The following IQGAP2 variants were observed in gnomAD, a reference collection of about 807,000 sequenced individuals.
IQGAP2 encodes the protein IQ motif containing GTPase activating protein 2.
Under a neutral mutation model 201.3 loss-of-function variants are expected in IQGAP2, and 173 were observed. The ratio of observed to expected loss-of-function variants is 0.86; its 90% CI spans 0.76 to 0.98. The LOEUF is 0.98. IQGAP2 is among the 50% of genes least tolerant of loss of function. The probability of loss-of-function intolerance (pLI) is 0.00; values close to 1 mark genes in which losing one functional copy is unlikely to be tolerated. For missense variants in IQGAP2, 1,687 were observed against 1,864.8 expected, an observed-to-expected ratio of 0.90 and a Z score of 1.76; for synonymous variants, 675 against 673.9, an observed-to-expected ratio of 1.00 and a Z score of -0.03.
chr5:76,471,968 C>T (rs1014678601), intron 2 of IQGAP2, among the ~76,000 whole-genome samples: 1 of 152,236 alleles, frequency 6.6e-6, no homozygotes, highest in Non-Finnish European at 1.5e-5. Flanking sequence ...CCATTTCTCC[C>T]TTCCCTCCCT....
chr5:76,633,156 A>G (rs1435580034), intron 15 of IQGAP2, among the ~76,000 whole-genome samples: 1 of 152,196 alleles, frequency 6.6e-6, no homozygotes, highest in Non-Finnish European at 1.5e-5. Context: ...CGTTTCCCAC[A>G]TGTCATATTT....
At chr5:76,672,897 G>A (rs1382631966) in intron 24 of IQGAP2, among the ~76,000 whole-genome samples, 1 of 143,260 alleles carries the variant, frequency 7.0e-6, no homozygotes, top group Non-Finnish European at 1.5e-5. Flanking sequence ...ACACTCTGGG[G>A]ACTGTTGTGG....
intron 1 of IQGAP2, among the ~76,000 whole-genome samples, chr5:76,405,101 C>T (rs1750724371): frequency 1.3e-5 from 2 of 152,208 alleles, no homozygotes; most frequent in African/African-American, 4.8e-5. Context: ...TCTACATGAA[C>T]AAATGATTTC....
At chr5:76,623,458 TGTTAC>T in intron 13 of IQGAP2, 1 of 538,316 alleles carries the variant, frequency 1.9e-6, no homozygotes, top group East Asian at 3.0e-5. Context: ...CCTCTGAACG[TGTTAC>T]GTTATCCCTG....
chr5:76,652,989 A>G (rs1355375368), intron 18 of IQGAP2, among the ~76,000 whole-genome samples, 156 bp downstream of exon 18: 1 of 152,146 alleles, frequency 6.6e-6, no homozygotes, highest in African/African-American at 2.4e-5. Context: ...CTGCTCATTT[A>G]CCTAATCATT....
intron 2 of IQGAP2, among the ~76,000 whole-genome samples, chr5:76,499,818 A>G (rs1197360171): frequency 6.6e-6 from 1 of 152,196 alleles, no homozygotes; most frequent in Non-Finnish European, 1.5e-5. Flanking sequence ...CTTAAAAAAA[A>G]ATCCTGCTGG....
chr5:76,490,563 G>A (rs1222181617), intron 2 of IQGAP2, among the ~76,000 whole-genome samples: 1 of 152,200 alleles, frequency 6.6e-6, no homozygotes, highest in African/African-American at 2.4e-5. Context: ...GAGAATGAAA[G>A]ATTCAACAAT....
chr5:76,516,287 C>T (rs370493368), intron 2 of IQGAP2, among the ~76,000 whole-genome samples: 3 of 151,978 alleles, frequency 2.0e-5, no homozygotes, highest in South Asian at 2.1e-4. Context: ...TGTGGTTGCC[C>T]GAACCATTCT....
intron 4 of IQGAP2, 91 bp from the exon 5 acceptor site, chr5:76,575,602 G>C (rs557665116): frequency 1.5e-6 from 1 of 658,340 alleles, no homozygotes; most frequent in African/African-American, 1.9e-5. Flanking sequence ...TTATAGGATA[G>C]CAAGGACAAT....
At position 76,683,870 on chromosome 5, in the gene IQGAP2, T is replaced by C. The variant is rs1745517115; in HGVS notation, c.3858T>C (p.Tyr1286=). The change falls in exon 30 of 36, where the codon TAT becomes TAC. Residue 1286 remains tyrosine (Y), a synonymous_variant. Transcript: ENST00000274364. The stretch of plus-strand genomic sequence containing the variant: ...TTTCTCTTGTCTTGACAAGCAAATA[T>C]GACATAGAGGACGGTGAAGCTATAG... ...TEISLVLTSK[Y]DIEDGEAIDS... is the part of the protein sequence containing the mutation. 1 of 1,613,380 alleles carries C rather than the reference T, an allele frequency of 6.2e-7. No individual in the cohort carries two copies. Among genetic ancestry groups the C allele is most frequent in the East Asian group, 2.2e-5 (1 of 44,830 alleles).
At chr5:76,693,308 A>G (rs1746438214) in intron 30 of IQGAP2, 47 bp from the exon 31 acceptor site, 2 of 1,323,670 alleles carry the variant, frequency 1.5e-6, no homozygotes, top group Non-Finnish European at 1.1e-6. Context: ...ATTTTTGTGC[A>G]TAAGGACTAC....
intron 1 of IQGAP2, chr5:76,441,662 C>A (rs1425062813): frequency 4.3e-6 from 1 of 231,660 alleles, no homozygotes; most frequent in Admixed American, 6.5e-5. Flanking sequence ...GCTGTTAATA[C>A]CTGTTACTTT....
At chr5:76,612,984 G>A (rs1400480292) in intron 13 of IQGAP2, among the ~76,000 whole-genome samples, 1 of 152,164 alleles carries the variant, frequency 6.6e-6, no homozygotes, top group Non-Finnish European at 1.5e-5. Flanking sequence ...CTCATTGAAG[G>A]TGGAGAAATG....
At chr5:76,653,267 A>G (rs557278275) in intron 18 of IQGAP2, among the ~76,000 whole-genome samples, 1 of 152,316 alleles carries the variant, frequency 6.6e-6, no homozygotes, top group African/African-American at 2.4e-5. Context: ...TGGGAGCTGA[A>G]TTAGTCGAAC....
At chr5:76,545,069 C>CACATAACTATGTGTATAT (rs1436879678) in intron 2 of IQGAP2, among the ~76,000 whole-genome samples, 1 of 151,972 alleles carries the variant, frequency 6.6e-6, no homozygotes, top group Admixed American at 6.5e-5. Context: ...TCTACATATA[C>CACATAACTATGTGTATAT]ATACATATAT....
intron 14 of IQGAP2, 63 bp from the exon 15 acceptor site, chr5:76,631,796 T>C (rs1444688400): frequency 3.3e-6 from 4 of 1,230,068 alleles, no homozygotes; most frequent in African/African-American, 3.1e-5. Context: ...AATTATATAT[T>C]TGCATGCCTT....
chr5:76,536,337 C>T (rs547016350), intron 2 of IQGAP2, among the ~76,000 whole-genome samples: 62 of 150,776 alleles, frequency 4.1e-4, no homozygotes, highest in African/African-American at 1.5e-3. Context: ...TCCCAAAGTG[C>T]GGGGATCACA....
intron 1 of IQGAP2, among the ~76,000 whole-genome samples, chr5:76,429,105 T>C (rs1194574569): frequency 1.3e-5 from 2 of 150,992 alleles, no homozygotes; most frequent in African/African-American, 2.4e-5. Flanking sequence ...TAGAAGTACA[T>C]TGCTTTCCTA....
At position 76,590,407 on chromosome 5, in the gene IQGAP2, G is replaced by T; in HGVS notation, c.641-1G>T. 6.3e-7 allele frequency: 1 copy of T among 1,584,950 alleles called. No individual in the cohort carries two copies. Among genetic ancestry groups the T allele is most frequent in the Non-Finnish European group, 8.6e-7 (1 of 1,166,230 alleles). On this transcript the variant is annotated splice_acceptor_variant, in intron 7 of 35. Coordinates refer to ENST00000274364, the MANE Select transcript of IQGAP2 (RefSeq NM_006633.5). LOFTEE classifies it high-confidence loss of function. The stretch of plus-strand genomic sequence containing the variant: ...TTTCTCTCTCTCTCTTTACTTTTTA[G>T]TACATGCTGCAGTTATAGCCATTAA...
Sources: gnomAD v4.1 joint callset for allele counts (sites outside exome capture counted in the v4.1 genomes callset) on GRCh38, gnomAD v4.1.1 for gene constraint, MANE v1.5 for transcripts, NCBI Gene and HGNC (gene_info 2026-07-23, HGNC 2026-07-21) for gene names.